The following CAVIN1 variants were observed in gnomAD, a reference collection of about 807,000 sequenced individuals.
CAVIN1 encodes caveolae-associated protein 1.
Under a neutral mutation model 24.0 loss-of-function variants are expected in CAVIN1, and 16 were observed. The ratio of observed to expected loss-of-function variants is 0.67; its 90% confidence interval spans 0.45 to 1.01. The LOEUF is 1.01. Among genes scored for constraint, CAVIN1 ranks in the 50% least tolerant of loss-of-function variants. CAVIN1 has a pLI of 0.00. For missense variants in CAVIN1, 510 were observed against 551.7 expected, an observed-to-expected ratio of 0.92 and a Z score of 0.76; for synonymous variants, 256 against 256.4, an observed-to-expected ratio of 1.00 and a Z score of 0.02.
At chr17:42,407,952 TTA>T (rs1356713676) in intron 1 of CAVIN1, among the ~76,000 whole-genome samples, 1 of 152,054 alleles carries the variant, frequency 6.6e-6, no homozygotes, top group Non-Finnish European at 1.5e-5. Context: ...CATTTAAGAC[TTA>T]TACATCATTG....
At chr17:42,415,421 T>C (rs1319520742) in intron 1 of CAVIN1, among the ~76,000 whole-genome samples, 2 of 152,032 alleles carry the variant, frequency 1.3e-5, no homozygotes, top group Admixed American at 6.6e-5. Flanking sequence ...GCTCAAGAAG[T>C]GTATAATGAG....
At chr17:42,410,067 A>G (rs1303450990) in intron 1 of CAVIN1, among the ~76,000 whole-genome samples, 1 of 152,140 alleles carries the variant, frequency 6.6e-6, no homozygotes. Flanking sequence ...TAAACTCGAG[A>G]TCTGGCTTAG....
At chr17:42,417,147 C>T (rs1324778358) in intron 1 of CAVIN1, among the ~76,000 whole-genome samples, 2 of 152,076 alleles carry the variant, frequency 1.3e-5, no homozygotes, top group African/African-American at 2.4e-5. Context: ...CATACACAAC[C>T]GTGGTCCCAT....
At position 42,402,995 on chromosome 17, in the gene CAVIN1, GA is replaced by G; in HGVS notation, c.*1691del. On this transcript the variant is annotated 3_prime_UTR_variant, in exon 2 of 2. Coordinates refer to ENST00000357037, the MANE Select transcript of CAVIN1 (RefSeq NM_012232.6). Reference sequence around the variant, plus strand: ...ACTCCCTTCACCCGCAAAGATTCAGGAAAAGCACCCCAAGGACAAGGAAACC... The same window carrying G: ...ACTCCCTTCACCCGCAAAGATTCAGGAAAGCACCCCAAGGACAAGGAAACC... 6.6e-6 allele frequency: 1 copy of G among 152,520 alleles called. No individual in the cohort carries two copies. Among genetic ancestry groups the G allele is most frequent in the Non-Finnish European group, 1.5e-5 (1 of 68,226 alleles). 9.4% of individuals were successfully genotyped at this position (152,520 alleles called of 1,614,324 possible).
In CAVIN1 at chr17:42,422,726, C is replaced by T. The variant is rs773391693; in HGVS notation, c.372G>A (p.Val124=). 1.1e-5 allele frequency: 17 copies of T among 1,610,306 alleles called. No individual in the cohort carries two copies. In the East Asian group the frequency reaches 3.6e-4, roughly 34 times the overall value. The change falls in exon 1 of 2, where the codon GTG becomes GTA. Residue 124 remains valine, a synonymous_variant. Coordinates refer to ENST00000357037, the MANE Select transcript of CAVIN1 (RefSeq NM_012232.6). ...CCGCCTGGCGCTCCAGGCTGCCGCG[C>T]ACGGTCTTCACGTTGACGCTGACCT... ...VRKVSVNVKT[V]RGSLERQAGQ...
chr17:42,414,212 C>A (rs573717997), intron 1 of CAVIN1, among the ~76,000 whole-genome samples: 8 of 152,160 alleles, frequency 5.3e-5, no homozygotes, highest in Non-Finnish European at 1.0e-4. Flanking sequence ...AATCTGTTTT[C>A]ATTCTTCCCT....
chr17:42,404,566 G>A lies in CAVIN1; in HGVS notation c.*121C>T, dbSNP rs1166854922. 7.7e-6 allele frequency: 5 copies of A among 652,260 alleles called. No homozygotes were observed. Among genetic ancestry groups the A allele is most frequent in the Non-Finnish European group, 9.6e-6 (4 of 418,498 alleles). 40.4% of individuals were successfully genotyped at this position (652,260 alleles called of 1,614,324 possible). A position where few individuals can be genotyped will look rare whatever the true frequency, so the allele number is the denominator to read the frequency against. On this transcript the variant is annotated 3_prime_UTR_variant, in exon 2 of 2. Transcript: ENST00000357037. ...TAAGACTGGGAGTGGAGTTCCTGGA[G>A]GTGTGGGGAGGGGGGCGTGTTTTCA... is the stretch of plus-strand genomic sequence containing the variant.
At position 42,405,682 on chromosome 17, in the gene CAVIN1, G is replaced by GTTTTTTTTTTTTTT. The variant is rs531661585; in HGVS notation, c.472-308_472-295dup. Among the ~76,000 whole-genome samples, 53 of 57,812 alleles carry GTTTTTTTTTTTTTT rather than the reference G, an allele frequency of 9.2e-4. 6 individuals are homozygous for GTTTTTTTTTTTTTT. The highest frequency in any genetic ancestry group is 2.1e-3 in the African/African-American group (43 of 20,482). The allele number at this position is 57,812 out of a possible 152,430, so 37.9% of individuals were successfully genotyped here. A position where few individuals can be genotyped will look rare whatever the true frequency, so the allele number is the denominator to read the frequency against. On this transcript the variant is annotated intron_variant, in intron 1 of 1. Transcript: ENST00000357037. ...CCATTCTTTCTCTCTCTCTCTCCTTGTTTTTTTTTTTTTTTTTTTTTTTAA... is the reference window on the plus strand; with the variant it reads ...CCATTCTTTCTCTCTCTCTCTCCTTGTTTTTTTTTTTTTTTTTTTTTTTTTTTTTTTTTTTTTAA...
rs1165199756 is a variant in CAVIN1 at position 42,402,842 on chromosome 17, GA to G, written c.*1844del. 6.6e-6 allele frequency: 1 copy of G among 152,358 alleles called. No homozygotes were observed. The highest frequency in any genetic ancestry group is 1.5e-5 in the Non-Finnish European group (1 of 68,128). The allele number at this position is 152,358 out of a possible 1,614,324, so 9.4% of individuals were successfully genotyped here. ...CCTCCCTTCAGGCTGTGACTGGGGA[GA>G]GGGGCTGTTCTTGCTTCTGACAAAC... On this transcript the variant is annotated 3_prime_UTR_variant, in exon 2 of 2. Transcript: ENST00000357037.
intron 1 of CAVIN1, among the ~76,000 whole-genome samples, chr17:42,410,848 C>A (rs2085471088): frequency 8.3e-6 from 1 of 119,800 alleles, no homozygotes; most frequent in Admixed American, 1.1e-4. Context: ...GAGCCGAGAT[C>A]GTGCCACTGT....
At chr17:42,416,373 G>GAAGA (rs199896514) in intron 1 of CAVIN1, among the ~76,000 whole-genome samples, 74 of 42,142 alleles carry the variant, frequency 1.8e-3, no homozygotes, top group Non-Finnish European at 4.6e-3. Flanking sequence ...GTCAAAGAAA[G>GAAGA]AAGAGAGAGA....
At chr17:42,416,378 G>A (rs72823059) in intron 1 of CAVIN1, among the ~76,000 whole-genome samples, 1,329 of 34,326 alleles carry the variant, frequency 0.039, 12 homozygotes, top group African/African-American at 0.065. Context: ...AGAAAGAAGA[G>A]AGAGAGAGAG....
intron 1 of CAVIN1, among the ~76,000 whole-genome samples, chr17:42,413,983 T>G (rs1022847065): frequency 6.6e-6 from 1 of 152,126 alleles, no homozygotes; most frequent in Non-Finnish European, 1.5e-5. Context: ...CTGCAACCTC[T>G]GCCTCCTGAG....
chr17:42,421,292 C>T (rs1483995014), intron 1 of CAVIN1, among the ~76,000 whole-genome samples: 2 of 152,142 alleles, frequency 1.3e-5, no homozygotes, highest in Non-Finnish European at 1.5e-5. Context: ...AGGACCCCCT[C>T]GCCTCACCCC....
intron 1 of CAVIN1, among the ~76,000 whole-genome samples, chr17:42,412,560 ATTTTT>A (rs60982549): frequency 6.4e-5 from 8 of 125,730 alleles, no homozygotes; most frequent in Admixed American, 2.6e-4. Context: ...AACCCGGCTA[ATTTTT>A]TTTTTTTTTT....
intron 1 of CAVIN1, chr17:42,411,867 A>G (rs1380044841): frequency 2.0e-6 from 2 of 985,232 alleles, no homozygotes; most frequent in African/African-American, 3.5e-5. Flanking sequence ...TCCCCACTGT[A>G]TACATCCCAT....
chr17:42,406,035 A>G (rs564111363), intron 1 of CAVIN1, among the ~76,000 whole-genome samples: 1 of 152,182 alleles, frequency 6.6e-6, no homozygotes, highest in African/African-American at 2.4e-5. Context: ...AATGGTGACT[A>G]AACAGACCGC....
intron 1 of CAVIN1, among the ~76,000 whole-genome samples, chr17:42,416,916 C>A (rs752977332): frequency 1.3e-5 from 2 of 152,140 alleles, no homozygotes; most frequent in Non-Finnish European, 2.9e-5. Flanking sequence ...GGAGGAGAAG[C>A]CATCAGGCTC....
At chr17:42,413,565 GGAAAAAAAAAA>G (rs2085493654) in intron 1 of CAVIN1, among the ~76,000 whole-genome samples, 33 of 62,606 alleles carry the variant, frequency 5.3e-4, no homozygotes, top group African/African-American at 1.8e-3. Context: ...TCTCAAAAAG[GGAAAAAAAAAA>G]AAAAAAAAAA....
Sources: allele counts gnomAD v4.1 joint callset (sites outside exome capture counted in the v4.1 genomes callset), GRCh38; gene constraint gnomAD v4.1.1; transcripts MANE v1.5; gene names NCBI Gene and HGNC (gene_info 2026-07-23, HGNC 2026-07-21).